TTLL5: variants seen among roughly 807,000 people sequenced by gnomAD.
The protein encoded by TTLL5 is tubulin tyrosine ligase like 5.
TTLL5 carries 132 observed loss-of-function variants against 168.4 expected under a neutral mutation model. The observed-to-expected ratio is 0.78, with a 90% CI of 0.68 to 0.91. The LOEUF (loss-of-function observed/expected upper bound fraction) is 0.91. TTLL5 is among the 40% of genes least tolerant of loss of function. TTLL5 has a pLI of 0.00. For missense variants in TTLL5, 1,545 were observed against 1,581.5 expected (o/e 0.98, Z 0.39); for synonymous variants, 546 against 558.6 (o/e 0.98, Z 0.32).
chr14:75,783,559 A>T (rs779911151), intron 26 of TTLL5, 29 bp downstream of exon 26: 2 of 1,600,336 alleles, frequency 1.2e-6, no homozygotes, highest in Non-Finnish European at 1.7e-6. Flanking sequence ...GACAGTCCAC[A>T]ATGTGAGCTC....
chr14:75,886,891 G>A, intron 30 of TTLL5: 1 of 1,451,442 alleles, frequency 6.9e-7, no homozygotes, highest in Non-Finnish European at 9.0e-7. Flanking sequence ...AAGTTTGCCA[G>A]GCACAAGGGC....
At chr14:75,760,063 C>CT (rs1274359599) in intron 18 of TTLL5, among the ~76,000 whole-genome samples, 1 of 152,002 alleles carries the variant, frequency 6.6e-6, no homozygotes, top group African/African-American at 2.4e-5. Flanking sequence ...AGTAAAATGT[C>CT]TATTTTTGGA....
intron 31 of TTLL5, among the ~76,000 whole-genome samples, chr14:75,910,392 G>T (rs151103916): frequency 6.6e-6 from 1 of 152,274 alleles, no homozygotes; most frequent in Non-Finnish European, 1.5e-5. Context: ...GACAGAAGAC[G>T]ATCTAGTCTA....
chr14:75,934,545 T>C (rs1194580368), intron 31 of TTLL5, among the ~76,000 whole-genome samples: 1 of 152,106 alleles, frequency 6.6e-6, no homozygotes, highest in Non-Finnish European at 1.5e-5. Context: ...ATGGACTAGA[T>C]TGAAGAGAAA....
chr14:75,732,014 T>C (rs1888581391), intron 12 of TTLL5: 1 of 167,572 alleles, frequency 6.0e-6, no homozygotes, highest in South Asian at 2.0e-4. Flanking sequence ...TTTTTTTTTT[T>C]TTTTACGCCC....
chr14:75,912,570 T>G (rs1269987208), intron 31 of TTLL5, among the ~76,000 whole-genome samples: 1 of 152,152 alleles, frequency 6.6e-6, no homozygotes, highest in Non-Finnish European at 1.5e-5. Context: ...CTTATTGTCG[T>G]TGAGGTGAAA....
At chr14:75,661,936 C>T (rs6574250) in intron 1 of TTLL5, among the ~76,000 whole-genome samples, 131,726 of 152,178 alleles carry the variant, frequency 0.87, 57,125 homozygotes, top group East Asian at 0.94. Flanking sequence ...GAAGGATTGA[C>T]AGCAAGTAAT....
At chr14:75,782,415 TA>T in intron 24 of TTLL5, 71 bp from the exon 25 acceptor site, 1 of 1,216,294 alleles carries the variant, frequency 8.2e-7, no homozygotes, top group Non-Finnish European at 1.2e-6. Flanking sequence ...TTTTTGGGAA[TA>T]AAATTATGTA....
intron 21 of TTLL5, among the ~76,000 whole-genome samples, chr14:75,773,954 AGAAAGAGAGAG>A (rs1891531311): frequency 5.0e-5 from 2 of 39,730 alleles, no homozygotes; most frequent in African/African-American, 1.5e-4. Flanking sequence ...AGAGAGAGAG[AGAAAGAGAGAG>A]AGAGAGAGAG....
chr14:75,718,189 C>G (rs1887596811), intron 10 of TTLL5, among the ~76,000 whole-genome samples: 1 of 152,234 alleles, frequency 6.6e-6, no homozygotes, highest in African/African-American at 2.4e-5. Flanking sequence ...TGTGCCTTCA[C>G]AAGTTTTTCT....
chr14:75,686,045 G>A (rs1885020922), intron 5 of TTLL5, among the ~76,000 whole-genome samples: 2 of 152,186 alleles, frequency 1.3e-5, no homozygotes, highest in Admixed American at 6.5e-5. Context: ...GAAGAGGGCC[G>A]TAGATAAGAA....
At chr14:75,801,888 G>A (rs1162657193) in intron 27 of TTLL5, among the ~76,000 whole-genome samples, 1 of 152,172 alleles carries the variant, frequency 6.6e-6, no homozygotes, top group African/African-American at 2.4e-5. Flanking sequence ...CTAGAAAGAG[G>A]TAGATTTCCA....
intron 31 of TTLL5, among the ~76,000 whole-genome samples, chr14:75,930,961 T>G (rs2034258347): frequency 6.6e-6 from 1 of 152,212 alleles, no homozygotes; most frequent in Non-Finnish European, 1.5e-5. Flanking sequence ...TGTTCCTTCT[T>G]CCTGATAAAG....
At position 75,936,281 on chromosome 14, in the gene TTLL5, G is replaced by C. The variant is rs8019329; in HGVS notation, c.3824-18143G>C. Among the ~76,000 whole-genome samples, 3 of 152,016 alleles carry C rather than the reference G, an allele frequency of 2.0e-5. No individual in the cohort carries two copies. The East Asian group carries it at 5.8e-4, about 29-fold the overall frequency. On this transcript the variant is annotated intron_variant, in intron 31 of 31. Transcript: ENST00000298832. Reference sequence around the variant, plus strand: ...GAGAGTTCCAAGATTAATTTTCTACGAAATGTCTGTTACTTTGCTCCAGCA... The same window carrying C: ...GAGAGTTCCAAGATTAATTTTCTACCAAATGTCTGTTACTTTGCTCCAGCA...
chr14:75,835,247 C>G (rs1301942531), intron 28 of TTLL5: 1 of 152,206 alleles, frequency 6.6e-6, no homozygotes, highest in Non-Finnish European at 1.5e-5. Context: ...TCAAAAGATG[C>G]AAGACAATAC....
chr14:75,907,458 C>T (rs1281969983), intron 31 of TTLL5, among the ~76,000 whole-genome samples: 1 of 152,200 alleles, frequency 6.6e-6, no homozygotes, highest in Non-Finnish European at 1.5e-5. Context: ...AACGGCACAC[C>T]TGCCATGAGG....
chr14:75,771,203 G>C (rs1891288835), intron 20 of TTLL5, among the ~76,000 whole-genome samples: 1 of 152,194 alleles, frequency 6.6e-6, no homozygotes. Flanking sequence ...AAGGCAGGCG[G>C]ATCACTTGAG....
At chr14:75,951,270 C>T (rs1247686855) in intron 31 of TTLL5, among the ~76,000 whole-genome samples, 2 of 151,592 alleles carry the variant, frequency 1.3e-5, no homozygotes, top group Non-Finnish European at 2.9e-5. Flanking sequence ...ATCGTTTGAG[C>T]CCAGGAGGTT....
At chr14:75,723,919 A>G (rs1311139731) in intron 12 of TTLL5, among the ~76,000 whole-genome samples, 1 of 151,646 alleles carries the variant, frequency 6.6e-6, no homozygotes, top group Non-Finnish European at 1.5e-5. Context: ...ATCCCATCAG[A>G]TATGATTTTG....
Sources: gnomAD v4.1 joint callset for allele counts (sites outside exome capture counted in the v4.1 genomes callset) on GRCh38, gnomAD v4.1.1 for gene constraint, MANE v1.5 for transcripts, NCBI Gene and HGNC (gene_info 2026-07-23, HGNC 2026-07-21) for gene names.